Variants in PCDHA5 observed in about 807,000 individuals in gnomAD.
The protein encoded by PCDHA5 is protocadherin alpha-5.
PCDHA5 carries 43 observed loss-of-function variants against 61.6 expected under a neutral mutation model. The ratio of observed to expected loss-of-function variants is 0.70; its 90% CI spans 0.55 to 0.90. The LOEUF (loss-of-function observed/expected upper bound fraction) is 0.90. Among genes scored for constraint, PCDHA5 ranks in the 40% least tolerant of loss-of-function variants. The pLI, the probability that PCDHA5 is intolerant of heterozygous loss-of-function variation, is 0.00. For synonymous variants in PCDHA5, 627 were observed against 543.9 expected (o/e 1.15, Z -2.13); for missense variants, 1,298 against 1,222.7 (o/e 1.06, Z -0.92).
intron 1 of PCDHA5, among the ~76,000 whole-genome samples, chr5:140,938,547 C>CTTTTA (rs59072362): frequency 0.32 from 48,749 of 151,290 alleles, 8,071 homozygotes; most frequent in East Asian, 0.53. Flanking sequence ...GATTTTTATC[C>CTTTTA]TTTTATTAAT....
chr5:140,868,908 C>A, intron 1 of PCDHA5: 1 of 882,186 alleles, frequency 1.1e-6, no homozygotes, highest in Non-Finnish European at 1.7e-6. Context: ...TCGCTCTTTA[C>A]TTGGTGGAAA....
At chr5:140,995,087 C>T (rs1482673933) in intron 3 of PCDHA5, among the ~76,000 whole-genome samples, 1 of 152,222 alleles carries the variant, frequency 6.6e-6, no homozygotes, top group Non-Finnish European at 1.5e-5. Flanking sequence ...CCAAACTTAT[C>T]TGTGGAGATA....
intron 1 of PCDHA5, chr5:140,828,273 C>A (rs2150153408): frequency 2.5e-6 from 4 of 1,614,046 alleles, no homozygotes; most frequent in South Asian, 1.1e-5. Flanking sequence ...GAGCTGGTGC[C>A]GCGCCTGTTC....
chr5:141,000,734 T>A (rs1221425075), intron 3 of PCDHA5, among the ~76,000 whole-genome samples: 4 of 150,588 alleles, frequency 2.7e-5, no homozygotes, highest in Non-Finnish European at 4.4e-5. Flanking sequence ...GGCCCCTATC[T>A]CTGTATATTA....
At chr5:140,859,436 A>C (rs868952272) in intron 1 of PCDHA5, 6 of 225,632 alleles carry the variant, frequency 2.7e-5, no homozygotes, top group African/African-American at 1.2e-4. Flanking sequence ...AATGAAAGCT[A>C]ACTTAGTTGC....
rs201064172 is a variant in PCDHA5 at position 140,856,130 on chromosome 5, G to T, written c.2352+32003G>T. Reference sequence around the variant, plus strand: ...CCTCGCAGCCTGGGAGGTGGGGAGCGGCCAGCTCCACTACTCAGTCTACGA... The same window carrying T: ...CCTCGCAGCCTGGGAGGTGGGGAGCTGCCAGCTCCACTACTCAGTCTACGA... On this transcript the variant is annotated intron_variant, in intron 1 of 3. Coordinates refer to ENST00000529859, the MANE Select transcript of PCDHA5 (RefSeq NM_018908.3). 2.5e-4 allele frequency: 403 copies of T among 1,597,952 alleles called. 51 individuals carry two copies. Among genetic ancestry groups the T allele is most frequent in the Non-Finnish European group, 3.0e-4 (350 of 1,167,798 alleles).
At chr5:140,828,152 C>T (rs2150151411) in intron 1 of PCDHA5, 7 of 1,614,146 alleles carry the variant, frequency 4.3e-6, no homozygotes, top group Middle Eastern at 1.7e-4. Context: ...GCTTCTGCTC[C>T]TCGCAGCCTG....
intron 1 of PCDHA5, chr5:140,882,915 A>T: frequency 6.2e-7 from 1 of 1,614,228 alleles, no homozygotes; most frequent in Non-Finnish European, 8.5e-7. Context: ...ACAGCCAGTG[A>T]TGGAGGTAAA....
chr5:140,883,861 G>A (rs1554180326), intron 1 of PCDHA5: 2 of 1,613,126 alleles, frequency 1.2e-6, no homozygotes, highest in South Asian at 1.1e-5. Flanking sequence ...TGGAGCTGTT[G>A]CAGTTCCAGG....
intron 1 of PCDHA5, chr5:140,866,579 G>A (rs2049440989): frequency 6.6e-6 from 1 of 152,136 alleles, no homozygotes; most frequent in African/African-American, 2.4e-5. Context: ...ACAGTGGTTG[G>A]ATAATGTAAT....
At chr5:140,903,636 T>C (rs1330875573) in intron 1 of PCDHA5, among the ~76,000 whole-genome samples, 3 of 152,236 alleles carry the variant, frequency 2.0e-5, no homozygotes, top group African/African-American at 7.2e-5. Context: ...TGTATGCATA[T>C]ACCATATACA....
intron 1 of PCDHA5, chr5:140,852,757 G>T (rs1243910073): frequency 9.2e-6 from 9 of 983,578 alleles, no homozygotes; most frequent in Admixed American, 1.3e-4. Context: ...TTGGACCCAG[G>T]TATCTGATTA....
intron 1 of PCDHA5, among the ~76,000 whole-genome samples, chr5:140,827,066 C>T (rs1769167179): frequency 6.6e-6 from 1 of 152,076 alleles, no homozygotes; most frequent in African/African-American, 2.4e-5. Context: ...TTGCTCATGC[C>T]TTGCTATTTA....
At chr5:140,872,054 C>T (rs970445290) in intron 1 of PCDHA5, among the ~76,000 whole-genome samples, 2 of 152,238 alleles carry the variant, frequency 1.3e-5, no homozygotes, top group East Asian at 3.8e-4. Flanking sequence ...CCCACTTCAG[C>T]CTCCAGAGTA....
intron 2 of PCDHA5, among the ~76,000 whole-genome samples, chr5:140,980,790 T>G (rs557225636): frequency 5.3e-4 from 80 of 152,312 alleles, no homozygotes; most frequent in African/African-American, 1.9e-3. Flanking sequence ...TGCCATTTCT[T>G]TTTTGCATTG....
chr5:140,985,401 C>T (rs2097150530), intron 3 of PCDHA5, among the ~76,000 whole-genome samples: 1 of 152,108 alleles, frequency 6.6e-6, no homozygotes, highest in Non-Finnish European at 1.5e-5. Flanking sequence ...CCAACTGTTC[C>T]CCTGGAAATG....
chr5:141,006,290 C>G (rs1465211339), intron 3 of PCDHA5, among the ~76,000 whole-genome samples: 5 of 152,050 alleles, frequency 3.3e-5, no homozygotes, highest in Non-Finnish European at 5.9e-5. Flanking sequence ...CAGCTCACTG[C>G]AAGCTCCACT....
chr5:140,999,550 G>A (rs1250301883), intron 3 of PCDHA5, among the ~76,000 whole-genome samples: 2 of 152,120 alleles, frequency 1.3e-5, no homozygotes, highest in African/African-American at 4.8e-5. Context: ...CCAATGAAGA[G>A]GGGGTATTTT....
rs2150410181 is a variant in PCDHA5 at position 140,848,414 on chromosome 5, C to A, written c.2352+24287C>A. On this transcript the variant is annotated intron_variant, in intron 1 of 3. Transcript: ENST00000529859. ...CTGTGCTGAACGATGGCGAACACAGCAGAATGGGACTGACGAAATCAGATG... is the reference window on the plus strand; with the variant it reads ...CTGTGCTGAACGATGGCGAACACAGAAGAATGGGACTGACGAAATCAGATG... The A allele has an allele frequency of 1.2e-3, 1,716 of 1,381,822 alleles. 109 individuals carry two copies. The African/African-American group carries it at 0.021, about 17-fold the overall frequency. The allele number at this position is 1,381,822 out of a possible 1,614,324, so 85.6% of individuals were successfully genotyped here. A position where few individuals can be genotyped will look rare whatever the true frequency, so the allele number is the denominator to read the frequency against.
Sources: gnomAD v4.1 joint callset for allele counts (sites outside exome capture counted in the v4.1 genomes callset) on GRCh38, gnomAD v4.1.1 for gene constraint, MANE v1.5 for transcripts, NCBI Gene and HGNC (gene_info 2026-07-23, HGNC 2026-07-21) for gene names.